Variants in C6 observed in about 807,000 individuals in gnomAD.
The protein encoded by C6 is complement C6, also known as complement component C6.
C6 carries 101 observed loss-of-function variants against 112.9 expected under a neutral mutation model. The ratio of observed to expected loss-of-function variants is 0.89; its 90% CI spans 0.76 to 1.06. The LOEUF is 1.06. C6 is among the 50% of genes least tolerant of loss of function. The pLI is 0.00. For missense variants in C6, 1,202 were observed against 1,104.6 expected (o/e 1.09, Z -1.25); for synonymous variants, 431 against 384.1 (o/e 1.12, Z -1.43).
chr5:41,149,845 G>T, intron 16 of C6, 90 bp downstream of exon 16: 2 of 860,616 alleles, frequency 2.3e-6, no homozygotes, highest in Non-Finnish European at 4.0e-6. Flanking sequence ...TTTCATGTCT[G>T]TGCTTCAAAA....
At chr5:41,156,323 G>A (rs897220905) in intron 13 of C6, among the ~76,000 whole-genome samples, 9 of 151,974 alleles carry the variant, frequency 5.9e-5, no homozygotes, top group Non-Finnish European at 1.2e-4. Flanking sequence ...GTATCTTGAG[G>A]TACAACGTCC....
intron 1 of C6, among the ~76,000 whole-genome samples, chr5:41,240,703 C>T (rs1740651461): frequency 2.0e-5 from 3 of 152,096 alleles, no homozygotes; most frequent in Admixed American, 2.0e-4. Context: ...TGCTTGAGTG[C>T]CAGCTGCAGG....
intron 17 of C6, among the ~76,000 whole-genome samples, 185 bp downstream of exon 17, chr5:41,149,056 A>G (rs941997089): frequency 3.9e-5 from 6 of 152,176 alleles, no homozygotes; most frequent in African/African-American, 1.4e-4. Context: ...CCACATTACT[A>G]CAGTAGTTAT....
intron 1 of C6, among the ~76,000 whole-genome samples, chr5:41,234,906 T>A (rs1899949): frequency 5.9e-5 from 9 of 151,842 alleles, no homozygotes; most frequent in South Asian, 2.1e-4. Context: ...AATTCCTTAC[T>A]AATGAGACTT....
chr5:41,258,370 CTG>C (rs1267881216), intron 1 of C6, among the ~76,000 whole-genome samples: 3 of 152,134 alleles, frequency 2.0e-5, no homozygotes, highest in African/African-American at 7.2e-5. Context: ...AGTATCTACA[CTG>C]TAGTAATTTC....
chr5:41,181,463 C>A lies in C6; in HGVS notation c.823G>T (p.Gly275Trp), dbSNP rs140129534. The A allele has an allele frequency of 4.3e-4, 692 of 1,613,734 alleles. 3 individuals carry two copies. The South Asian group carries it at 6.2e-3, about 15-fold the overall frequency. Residue 275 changes from glycine (G) to tryptophan (W), a missense_variant, in exon 7 of 18, where the codon GGG becomes TGG. Physicochemically the swap from Gly to Trp is radical, Grantham distance 184. Transcript: ENST00000337836. The part of the protein sequence containing the change: ...ENQQGSFSSQ[G>W]GSSFSVPIFY... ...ATTGGTACACTGAAAGAGCTCCCCC[C>A]CTGACTTGAGAATGAGCCTTGTTGA...
intron 1 of C6, among the ~76,000 whole-genome samples, chr5:41,209,665 T>G (rs942979377): frequency 6.6e-6 from 1 of 152,178 alleles, no homozygotes; most frequent in Non-Finnish European, 1.5e-5. Flanking sequence ...ACAAGGGATG[T>G]GAAGGACCTC....
chr5:41,241,784 A>G (rs1242143080), intron 1 of C6, among the ~76,000 whole-genome samples: 1 of 152,200 alleles, frequency 6.6e-6, no homozygotes, highest in Non-Finnish European at 1.5e-5. Flanking sequence ...AAGACCAGAT[A>G]GCAAGACTGG....
intron 15 of C6, among the ~76,000 whole-genome samples, chr5:41,151,146 G>C (rs1250673617): frequency 6.6e-6 from 1 of 152,112 alleles, no homozygotes; most frequent in Non-Finnish European, 1.5e-5. Flanking sequence ...ATTAATTATG[G>C]CTTCTGTGCA....
chr5:41,187,318 T>C (rs1039040940), intron 5 of C6, among the ~76,000 whole-genome samples: 1 of 152,110 alleles, frequency 6.6e-6, no homozygotes, highest in Admixed American at 6.6e-5. Flanking sequence ...CCCTTGTACT[T>C]CTATGGCATT....
At position 41,201,701 on chromosome 5, in the gene C6, C is replaced by T; in HGVS notation, c.157G>A (p.Asp53Asn). 6.2e-7 allele frequency: 1 copy of T among 1,613,460 alleles called. No individual in the cohort carries two copies. Among genetic ancestry groups the T allele is most frequent in the South Asian group, 1.1e-5 (1 of 91,072 alleles). ...CAAAAGTTTTCCTGGTAGTACTTAT[C>T]TACTACTATTTGTCTGTAACCATGA... ...TQSRHRQIVV[D>N]KYYQENFCEQ... Residue 53 changes from aspartate (D) to asparagine (N), a missense_variant, in exon 3 of 18, where the codon GAT becomes AAT. By Grantham distance (23) the Asp-to-Asn change is conservative. Transcript: ENST00000337836.
At chr5:41,260,535 C>T (rs142208001) in intron 1 of C6, among the ~76,000 whole-genome samples, 5,414 of 151,134 alleles carry the variant, frequency 0.036, 164 homozygotes, top group Non-Finnish European at 0.051. Context: ...TTTGGGAGGC[C>T]GAGGCGGTCG....
At chr5:41,200,026 T>G in intron 3 of C6, 114 bp from the exon 4 acceptor site, 1 of 936,072 alleles carries the variant, frequency 1.1e-6, no homozygotes, top group South Asian at 1.4e-5. Flanking sequence ...TAATATTTCT[T>G]ATATTTTTAC....
At position 41,176,718 on chromosome 5, in the gene C6, A is replaced by T. The variant is rs1305230140; in HGVS notation, c.928-3T>A. ...TGGATCCTAATAAAACTAGAATCCT[A>T]AATGGAAGAAAGAAGTAAAAAGATG... is the stretch of plus-strand genomic sequence containing the variant. On this transcript the variant is annotated splice_region_variant and splice_polypyrimidine_tract_variant and intron_variant, in intron 7 of 17. Coordinates refer to ENST00000337836, the MANE Select transcript of C6 (RefSeq NM_000065.5). The T allele has an allele frequency of 1.2e-6, 2 of 1,608,188 alleles. No individual in the cohort carries two copies. Among genetic ancestry groups the T allele is most frequent in the African/African-American group, 2.7e-5 (2 of 74,798 alleles).
rs1404933118 is a variant in C6 at position 41,176,538 on chromosome 5, C to A, written c.1105G>T (p.Gly369Cys). 1 of 1,613,800 alleles carries A rather than the reference C, an allele frequency of 6.2e-7. No individual in the cohort carries two copies. The highest frequency in any genetic ancestry group is 2.2e-5 in the East Asian group (1 of 44,790). Residue 369 changes from glycine (G) to cysteine (C), a missense_variant, in exon 8 of 18, where the codon GGC becomes TGC. Transcript: ENST00000337836. ...DDFGTHYFTS[G>C]SLGGVYDLLY... ...AGGTCATACACGCCTCCCAGGGAGC[C>A]AGAGGTGAAGTAATGAGTCCCAAAG...
intron 8 of C6, among the ~76,000 whole-genome samples, chr5:41,173,123 T>C (rs962913485): frequency 3.9e-5 from 6 of 152,176 alleles, no homozygotes; most frequent in African/African-American, 1.2e-4. Flanking sequence ...ACCCCATTCA[T>C]GTATGGGAAT....
intron 6 of C6, among the ~76,000 whole-genome samples, chr5:41,183,648 A>G (rs1356859622): frequency 1.3e-5 from 2 of 152,174 alleles, no homozygotes; most frequent in African/African-American, 2.4e-5. Context: ...CCAAAAGAAA[A>G]CAAATTGTTC....
At chr5:41,211,336 A>T (rs2150391938) in intron 1 of C6, among the ~76,000 whole-genome samples, 1 of 137,244 alleles carries the variant, frequency 7.3e-6, no homozygotes, top group South Asian at 2.4e-4. Flanking sequence ...ATGTATACAT[A>T]TGTAACAAAC....
intron 1 of C6, among the ~76,000 whole-genome samples, chr5:41,229,627 T>C (rs2150411824): frequency 6.6e-6 from 1 of 152,318 alleles, no homozygotes; most frequent in South Asian, 2.1e-4. Context: ...GTTCAGTGTG[T>C]GCTTTAGAAG....
Sources: allele counts gnomAD v4.1 joint callset (sites outside exome capture counted in the v4.1 genomes callset), GRCh38; gene constraint gnomAD v4.1.1; transcripts MANE v1.5; gene names NCBI Gene and HGNC (gene_info 2026-07-23, HGNC 2026-07-21).